Variants in IPO7 observed in about 807,000 individuals in gnomAD.
IPO7 encodes importin 7.
A neutral mutation model predicts 136.4 loss-of-function variants in IPO7; 13 were observed. The ratio of observed to expected loss-of-function variants is 0.10; its 90% confidence interval spans 0.06 to 0.15. IPO7 has a LOEUF of 0.15. Among genes scored for constraint, IPO7 ranks in the 10% least tolerant of loss-of-function variants. The pLI is 1.00. For synonymous variants in IPO7, 403 were observed against 404.4 expected, an observed-to-expected ratio of 1.00 and a Z score of 0.04; for missense variants, 857 against 1,240.6, an observed-to-expected ratio of 0.69 and a Z score of 4.65.
At position 9,390,379 on chromosome 11, in the gene IPO7, CCTTA is replaced by C. The variant is rs369559582; in HGVS notation, c.84+5537_84+5540del. Among the ~76,000 whole-genome samples the C allele has an allele frequency of 6.6e-4, 100 of 151,600 alleles. 3 individuals are homozygous for C. In the South Asian group the frequency reaches 0.02, roughly 30 times the overall value. On this transcript the variant is annotated intron_variant, in intron 1 of 24. Coordinates refer to ENST00000379719, the MANE Select transcript of IPO7 (RefSeq NM_006391.3). Reference sequence around the variant, plus strand: ...AACTATTACTGCTGTATGTGATATACCTTACTTATAAATGGTTCATTTGATTCCA... The same window carrying C: ...AACTATTACTGCTGTATGTGATATACCTTATAAATGGTTCATTTGATTCCA...
chr11:9,428,737 T>G (rs1275554341), intron 13 of IPO7, 108 bp downstream of exon 13: 1 of 806,666 alleles, frequency 1.2e-6, no homozygotes, highest in Non-Finnish European at 2.3e-6. Context: ...TGTGTCTTAT[T>G]TTAGGTTTCT....
intron 1 of IPO7, among the ~76,000 whole-genome samples, chr11:9,402,492 G>T (rs1229997376): frequency 6.6e-6 from 1 of 151,382 alleles, no homozygotes; most frequent in Admixed American, 6.6e-5. Flanking sequence ...CAGAGGTCGA[G>T]GCGGGTGGAT....
intron 1 of IPO7, chr11:9,392,270 C>T (rs756040095): frequency 5.6e-5 from 18 of 319,674 alleles, no homozygotes; most frequent in South Asian, 3.1e-4. Context: ...CTCCGCCTCC[C>T]GGATTCGGGC....
At chr11:9,439,166 A>G (rs1217785784) in intron 22 of IPO7, among the ~76,000 whole-genome samples, 1 of 152,034 alleles carries the variant, frequency 6.6e-6, no homozygotes, top group African/African-American at 2.4e-5. Context: ...CCCAGGCTGG[A>G]GTGCAACAGC....
chr11:9,386,240 T>C (rs1239161836), intron 1 of IPO7, among the ~76,000 whole-genome samples: 1 of 152,212 alleles, frequency 6.6e-6, no homozygotes, highest in Non-Finnish European at 1.5e-5. Flanking sequence ...GAGATCATTA[T>C]TATACCACAC....
intron 2 of IPO7, among the ~76,000 whole-genome samples, chr11:9,406,372 T>C (rs1174642900): frequency 6.6e-6 from 1 of 152,044 alleles, no homozygotes; most frequent in Non-Finnish European, 1.5e-5. Context: ...TTCCCGTTTT[T>C]AGATAAGAGT....
At chr11:9,391,328 G>T (rs1854630350) in intron 1 of IPO7, among the ~76,000 whole-genome samples, 1 of 151,694 alleles carries the variant, frequency 6.6e-6, no homozygotes, top group Non-Finnish European at 1.5e-5. Flanking sequence ...GAACCCGGGA[G>T]GCGGAGGTGC....
rs2133751064 is a variant in IPO7 at position 9,423,942 on chromosome 11, A to G, written c.1141+66A>G. 2 of 891,792 alleles carry G rather than the reference A, an allele frequency of 2.2e-6. 1 individual carries two copies. Among genetic ancestry groups the G allele is most frequent in the Non-Finnish European group, 3.7e-6 (2 of 534,918 alleles). The allele number at this position is 891,792 out of a possible 1,614,324, so 55.2% of individuals were successfully genotyped here. ...AATTAAGATTACAGTGATTGCATGTAGCCAACCTAGGGGGTATTATGTATC... is the reference window on the plus strand; with the variant it reads ...AATTAAGATTACAGTGATTGCATGTGGCCAACCTAGGGGGTATTATGTATC... On this transcript the variant is annotated intron_variant, in intron 10 of 24. Transcript: ENST00000379719.
intron 1 of IPO7, among the ~76,000 whole-genome samples, chr11:9,392,801 T>A (rs548914735): frequency 6.6e-6 from 1 of 151,824 alleles, no homozygotes; most frequent in African/African-American, 2.4e-5. Flanking sequence ...ATACAAAAAT[T>A]AGCCGGGCAT....
chr11:9,401,259 A>G (rs1169171193), intron 1 of IPO7, among the ~76,000 whole-genome samples: 4 of 152,154 alleles, frequency 2.6e-5, no homozygotes, highest in Admixed American at 1.3e-4. Context: ...TACTTGAGCT[A>G]AAAGATGACA....
At chr11:9,400,791 C>T (rs988343167) in intron 1 of IPO7, among the ~76,000 whole-genome samples, 5 of 152,034 alleles carry the variant, frequency 3.3e-5, no homozygotes, top group African/African-American at 1.2e-4. Context: ...TAATTTTTTA[C>T]ATTCAATGGA....
At chr11:9,421,907 G>A (rs1471840132) in intron 8 of IPO7, among the ~76,000 whole-genome samples, 5 of 152,124 alleles carry the variant, frequency 3.3e-5, no homozygotes, top group East Asian at 1.9e-4. Context: ...TCCTGCCACT[G>A]CATTCCAGCC....
At chr11:9,419,451 G>A (rs982980885) in intron 6 of IPO7, among the ~76,000 whole-genome samples, 1 of 151,202 alleles carries the variant, frequency 6.6e-6, no homozygotes, top group African/African-American at 2.4e-5. Flanking sequence ...GGGAGGCTGA[G>A]GCAGGAGAAT....
At chr11:9,437,660 A>T in intron 20 of IPO7, 94 bp from the exon 21 acceptor site, 4 of 855,638 alleles carry the variant, frequency 4.7e-6, no homozygotes, top group Non-Finnish European at 7.3e-6. Context: ...ATGCTACAAT[A>T]GGGTTAATTG....
intron 1 of IPO7, among the ~76,000 whole-genome samples, chr11:9,392,019 C>G (rs998660857): frequency 1.4e-4 from 21 of 152,080 alleles, no homozygotes; most frequent in African/African-American, 4.1e-4. Context: ...CGAGTCACTG[C>G]ACTTGGCTTA....
intron 17 of IPO7, 42 bp from the exon 18 acceptor site, chr11:9,433,679 C>T (rs755242229): frequency 1.2e-6 from 2 of 1,612,756 alleles, no homozygotes; most frequent in Admixed American, 1.7e-5. Flanking sequence ...TGCTATTTCA[C>T]ATGAGCAAGC....
intron 20 of IPO7, 73 bp downstream of exon 20, chr11:9,436,439 G>C: frequency 9.9e-7 from 1 of 1,010,200 alleles, no homozygotes; most frequent in Admixed American, 2.3e-5. Context: ...TTCATTTTTT[G>C]GCATTTGTTG....
chr11:9,414,340 C>T lies in IPO7; in HGVS notation c.565C>T (p.Leu189Phe). ...PVLKDRFIQLLSDQSDQSVLI... is the reference protein window; with the variant it reads ...PVLKDRFIQLFSDQSDQSVLI... ...TCTAAAGGATCGTTTTATCCAGCTTCTTTCTGACCAGTCTGATCAGTCTGT... is the reference window on the plus strand; with the variant it reads ...TCTAAAGGATCGTTTTATCCAGCTTTTTTCTGACCAGTCTGATCAGTCTGT... Residue 189 changes from leucine to phenylalanine, a missense_variant, in exon 5 of 25, where the codon CTT becomes TTT. Leu to Phe is a conservative substitution (Grantham distance 22). Around this residue, in one of 11 missense-constraint regions of IPO7, gnomAD observed 287 missense variants for 307.5 expected, o/e 0.93. Coordinates refer to ENST00000379719, the MANE Select transcript of IPO7 (RefSeq NM_006391.3). 1.2e-6 allele frequency: 2 copies of T among 1,612,982 alleles called. No homozygotes were observed. The highest frequency in any genetic ancestry group is 1.1e-5 in the South Asian group (1 of 91,042).
intron 12 of IPO7, among the ~76,000 whole-genome samples, chr11:9,426,940 G>A (rs1301949044): frequency 6.6e-6 from 1 of 150,804 alleles, no homozygotes; most frequent in Non-Finnish European, 1.5e-5. Flanking sequence ...GTGCAGTGGC[G>A]CAATCTCGAC....
Sources: gnomAD v4.1 joint callset for allele counts (sites outside exome capture counted in the v4.1 genomes callset) on GRCh38, gnomAD v4.1.1 for gene constraint, gnomAD v4.1.1 regional missense constraint, MANE v1.5 for transcripts, NCBI Gene and HGNC (gene_info 2026-07-23, HGNC 2026-07-21) for gene names.